CDH13: variants seen among roughly 807,000 people sequenced by gnomAD.
CDH13 encodes the protein cadherin-13.
Under a neutral mutation model 63.8 loss-of-function variants are expected in CDH13, and 24 were observed. That is an observed-to-expected ratio of 0.38 (90% CI 0.27 to 0.53). CDH13 has a LOEUF of 0.53. Ranked by LOEUF, CDH13 falls within the 20% of genes least tolerant of loss-of-function variation. The pLI, the probability that CDH13 is intolerant of heterozygous loss-of-function variation, is 0.85. For missense variants in CDH13, 1,049 were observed against 903.1 expected, an observed-to-expected ratio of 1.16 and a Z score of -2.07; for synonymous variants, 503 against 355.3, an observed-to-expected ratio of 1.42 and a Z score of -4.67.
intron 6 of CDH13, among the ~76,000 whole-genome samples, chr16:83,483,424 G>A (rs975688017): frequency 2.0e-5 from 3 of 150,988 alleles, no homozygotes; most frequent in African/African-American, 7.3e-5. Flanking sequence ...TATCCTCAGT[G>A]AATTTCCTGA....
At chr16:83,474,557 G>A (rs12165001) in intron 6 of CDH13, among the ~76,000 whole-genome samples, 7,130 of 152,224 alleles carry the variant, frequency 0.047, 183 homozygotes, top group Non-Finnish European at 0.065. Flanking sequence ...TCTCATGTAC[G>A]GCCCACATCT....
intron 1 of CDH13, among the ~76,000 whole-genome samples, chr16:82,708,461 C>G (rs962877143): frequency 3.3e-5 from 5 of 152,198 alleles, no homozygotes; most frequent in Non-Finnish European, 7.3e-5. Context: ...CACTCTCCAT[C>G]TCTCACACTT....
chr16:83,236,410 T>C (rs1567528627), intron 5 of CDH13, among the ~76,000 whole-genome samples: 1 of 152,164 alleles, frequency 6.6e-6, no homozygotes, highest in Non-Finnish European at 1.5e-5. Context: ...TTACACACTT[T>C]TAAGAAAGAA....
chr16:83,001,196 G>C (rs760077458), intron 2 of CDH13, among the ~76,000 whole-genome samples: 2 of 152,238 alleles, frequency 1.3e-5, no homozygotes, highest in African/African-American at 2.4e-5. Flanking sequence ...TGACCACACA[G>C]CATAGAAATC....
At chr16:83,494,316 C>A (rs926310926) in intron 7 of CDH13, among the ~76,000 whole-genome samples, 1 of 151,914 alleles carries the variant, frequency 6.6e-6, no homozygotes, top group South Asian at 2.1e-4. Flanking sequence ...GTTTATTTTT[C>A]TTTATCAGCC....
chr16:83,108,771 T>G (rs1408974724), intron 3 of CDH13, among the ~76,000 whole-genome samples: 2 of 152,192 alleles, frequency 1.3e-5, no homozygotes, highest in African/African-American at 2.4e-5. Context: ...AGTCTCTGCA[T>G]TTATTTGCCT....
At chr16:83,726,855 C>A (rs948358701) in intron 10 of CDH13, among the ~76,000 whole-genome samples, 1 of 151,184 alleles carries the variant, frequency 6.6e-6, no homozygotes, top group Non-Finnish European at 1.5e-5. Flanking sequence ...AAAAAAAAAT[C>A]ACCGTCCTTT....
chr16:82,835,606 A>G (rs1176510513), intron 1 of CDH13, among the ~76,000 whole-genome samples: 5 of 152,194 alleles, frequency 3.3e-5, no homozygotes, highest in Non-Finnish European at 5.9e-5. Flanking sequence ...CGCCAGGGGC[A>G]GTAGGTGCAT....
intron 2 of CDH13, among the ~76,000 whole-genome samples, chr16:82,876,509 A>G (rs756975665): frequency 2.0e-5 from 3 of 152,236 alleles, no homozygotes; most frequent in Non-Finnish European, 4.4e-5. Flanking sequence ...CCAAAGACAT[A>G]AAAGGTAAGC....
intron 4 of CDH13, among the ~76,000 whole-genome samples, chr16:83,159,891 A>T (rs182109466): frequency 6.6e-6 from 1 of 152,244 alleles, no homozygotes; most frequent in Admixed American, 6.5e-5. Flanking sequence ...CCTGGCCAAC[A>T]TGGCGAAAAC....
At chr16:83,320,029 G>C (rs781068118) in intron 5 of CDH13, among the ~76,000 whole-genome samples, 1 of 152,122 alleles carries the variant, frequency 6.6e-6, no homozygotes, top group Non-Finnish European at 1.5e-5. Context: ...AGTTAGACTT[G>C]GACTGTCTTG....
intron 6 of CDH13, among the ~76,000 whole-genome samples, chr16:83,395,313 CAA>C (rs34408360): frequency 3.0e-5 from 4 of 132,914 alleles, no homozygotes; most frequent in Admixed American, 7.6e-5. Flanking sequence ...GACTCTGTCT[CAA>C]AAAAAAAAAA....
rs200465371 is a variant in CDH13 at position 83,774,688 on chromosome 16, G to GA, written c.1682-5271dup. Among the ~76,000 whole-genome samples the GA allele has an allele frequency of 2.5e-3, 369 of 150,428 alleles. 3 individuals are homozygous for GA. Among genetic ancestry groups the GA allele is most frequent in the Non-Finnish European group, 9.0e-4 (61 of 67,526 alleles). On this transcript the variant is annotated intron_variant, in intron 11 of 13. Transcript: ENST00000567109. ...CACACCCGGCCTACCATTTATTTGTGAAAAAAAAATAAAAAATTCCACTTA... is the reference window on the plus strand; with the variant it reads ...CACACCCGGCCTACCATTTATTTGTGAAAAAAAAAATAAAAAATTCCACTTA...
At chr16:83,291,745 C>T (rs1244583545) in intron 5 of CDH13, among the ~76,000 whole-genome samples, 1 of 152,160 alleles carries the variant, frequency 6.6e-6, no homozygotes, top group Non-Finnish European at 1.5e-5. Context: ...CTCCAGCTTG[C>T]TTTGACCTGA....
rs776386679 is a variant in CDH13 at position 82,858,492 on chromosome 16, A to G, written c.157+19A>G. Reference sequence around the variant, plus strand: ...CTAAACTGTAAGCAATGTCACTCAAAGATGCTTTTAGACTCTTCTCATATT... The same window carrying G: ...CTAAACTGTAAGCAATGTCACTCAAGGATGCTTTTAGACTCTTCTCATATT... On this transcript the variant is annotated intron_variant, in intron 2 of 13. Transcript: ENST00000567109. The G allele has an allele frequency of 1.4e-6, 2 of 1,381,088 alleles. No individual in the cohort carries two copies. The highest frequency in any genetic ancestry group is 1.4e-5 in the African/African-American group (1 of 70,440). 85.6% of individuals were successfully genotyped at this position (1,381,088 alleles called of 1,614,324 possible). A position where few individuals can be genotyped will look rare whatever the true frequency, so the allele number is the denominator to read the frequency against.
At chr16:82,834,933 C>CTTG (rs1258958202) in intron 1 of CDH13, among the ~76,000 whole-genome samples, 1 of 152,150 alleles carries the variant, frequency 6.6e-6, no homozygotes, top group African/African-American at 2.4e-5. Context: ...CCCACAAAAC[C>CTTG]TAACATATTT....
At position 83,654,207 on chromosome 16, in the gene CDH13, T is replaced by C. The variant is rs372217248; in HGVS notation, c.1102-16583T>C. The stretch of plus-strand genomic sequence containing the variant: ...TTTGTTCCGGTTCTTTCTATCAGGC[T>C]GGTGCAAAAGTAATTGCAGTTTTTG... On this transcript the variant is annotated intron_variant, in intron 8 of 13. Coordinates refer to ENST00000567109, the MANE Select transcript of CDH13 (RefSeq NM_001257.5). 1.6e-3 allele frequency among the ~76,000 whole-genome samples: 246 copies of C among 152,160 alleles called. 2 individuals carry two copies. Among genetic ancestry groups the C allele is most frequent in the African/African-American group, 5.5e-3 (230 of 41,520 alleles).
At chr16:82,752,837 T>A (rs1345257307) in intron 1 of CDH13, among the ~76,000 whole-genome samples, 1 of 152,188 alleles carries the variant, frequency 6.6e-6, no homozygotes, top group Non-Finnish European at 1.5e-5. Flanking sequence ...CAATGACGTA[T>A]CATAGAATGT....
At chr16:83,527,121 A>G (rs1162994011) in intron 7 of CDH13, among the ~76,000 whole-genome samples, 1 of 138,074 alleles carries the variant, frequency 7.2e-6, no homozygotes. Context: ...ACAGAGCAAG[A>G]CTCTGTCTCA....
Sources: gnomAD v4.1 joint callset for allele counts (sites outside exome capture counted in the v4.1 genomes callset) on GRCh38, gnomAD v4.1.1 for gene constraint, MANE v1.5 for transcripts, NCBI Gene and HGNC (gene_info 2026-07-23, HGNC 2026-07-21) for gene names.